ZNF782: variants seen among roughly 807,000 people sequenced by gnomAD.
The protein encoded by ZNF782 is zinc finger protein 782.
A neutral mutation model predicts 13.0 loss-of-function variants in ZNF782; 12 were observed. That is an observed-to-expected ratio of 0.92 (90% CI 0.59 to 1.50). ZNF782 has a LOEUF of 1.50. Among genes scored for constraint, ZNF782 ranks in the 40% most tolerant of loss-of-function variants. ZNF782 has a pLI of 0.00. For missense variants in ZNF782, 770 were observed against 822.9 expected (o/e 0.94, Z 0.79); for synonymous variants, 284 against 283.0 (o/e 1.00, Z -0.04).
At chr9:96,895,372 C>G in the ZNF782 span, 1 of 152,138 alleles carries the variant, frequency 6.6e-6, no homozygotes. Flanking sequence ...CTTATCTGTT[C>G]TGTATAAAAA....
chr9:96,830,353 C>A (rs1038258082), intron 4 of ZNF782, among the ~76,000 whole-genome samples: 12 of 152,084 alleles, frequency 7.9e-5, no homozygotes, highest in Non-Finnish European at 1.5e-5. Flanking sequence ...TGTCTCCAAG[C>A]CAGGCAGTGA....
At chr9:96,821,545 G>A (rs1850417299) in intron 5 of ZNF782, among the ~76,000 whole-genome samples, 1 of 152,060 alleles carries the variant, frequency 6.6e-6, no homozygotes, top group South Asian at 2.1e-4. Context: ...TCATATATCT[G>A]ACACTCATGA....
the ZNF782 span, among the ~76,000 whole-genome samples, chr9:96,933,009 A>C: frequency 5.6e-5 from 7 of 125,674 alleles, no homozygotes; most frequent in Admixed American, 1.8e-4. Context: ...ATGGAGTCTC[A>C]CTCTGTCGCC....
At chr9:96,819,990 A>G (rs1850354014) in intron 5 of ZNF782, among the ~76,000 whole-genome samples, 1 of 152,172 alleles carries the variant, frequency 6.6e-6, no homozygotes, top group Non-Finnish European at 1.5e-5. Context: ...GGAAATGAAT[A>G]TATATACATA....
the ZNF782 span, among the ~76,000 whole-genome samples, chr9:96,901,659 A>C: frequency 6.6e-6 from 1 of 151,668 alleles, no homozygotes; most frequent in South Asian, 2.1e-4. Flanking sequence ...TTTAAGTATA[A>C]GAATCATCTG....
rs545499464 is a variant in ZNF782, at chr9:96,850,415, C to T, written c.15+1532G>A. On this transcript the variant is annotated intron_variant, in intron 3 of 5. Transcript: ENST00000481138. The surrounding 1 kb of genome is among the most constrained non-coding windows in gnomAD (Gnocchi z 4.3). ...CACAGGAGTAGAAAACCAAACCGTA[C>T]GTTCTCACTTATAAGTGGGAGCTAA... Among the ~76,000 whole-genome samples the T allele has an allele frequency of 1.5e-3, 226 of 152,166 alleles. 1 individual carries two copies. The Middle Eastern group carries it at 0.037, about 25-fold the overall frequency.
chr9:96,916,161 G>A, the ZNF782 span, among the ~76,000 whole-genome samples: 3 of 152,050 alleles, frequency 2.0e-5, no homozygotes, highest in East Asian at 1.9e-4. Flanking sequence ...AAGGATAGGG[G>A]AACTGGCTAA....
intron 4 of ZNF782, among the ~76,000 whole-genome samples, chr9:96,840,595 A>T (rs1417572834): frequency 6.6e-6 from 1 of 152,018 alleles, no homozygotes; most frequent in South Asian, 2.1e-4. Context: ...ACTGGTGTCT[A>T]TCAAAAAGTG....
chr9:96,922,902 A>C, the ZNF782 span, among the ~76,000 whole-genome samples: 1 of 149,012 alleles, frequency 6.7e-6, no homozygotes, highest in African/African-American at 2.5e-5. Context: ...GAACCGGTCC[A>C]CCATATTCTC....
rs1192740480 is a variant in ZNF782 at position 96,825,794 on chromosome 9, A to C, written c.244+1286T>G. Among the ~76,000 whole-genome samples, 11 of 152,296 alleles carry C rather than the reference A, an allele frequency of 7.2e-5. No individual in the cohort carries two copies. The East Asian group carries it at 2.1e-3, about 29-fold the overall frequency. ...ATTTATGCAGCCAAAAGACACATGA[A>C]AAAATGCTCACCATCACTGGCCATC... On this transcript the variant is annotated intron_variant, in intron 5 of 5. Transcript: ENST00000481138.
At position 96,818,165 on chromosome 9, in the gene ZNF782, A is replaced by C. The variant is rs776848879; in HGVS notation, c.1858T>G (p.Cys620Gly). ...CTGAAAGCTTTTCCACATTCATTAC[A>C]TTCATAGGGCTTCTCCCCAGTGTGA... ...RTHTGEKPYE[C>G]NECGKAFSEK... The change falls in exon 6 of 6, where the codon TGT becomes GGT. Residue 620 changes from cysteine to glycine, a missense_variant. Coordinates refer to ENST00000481138, the MANE Select transcript of ZNF782 (RefSeq NM_001001662.3). 1 of 1,614,042 alleles carries C rather than the reference A, an allele frequency of 6.2e-7. No individual in the cohort carries two copies. The highest frequency in any genetic ancestry group is 8.5e-7 in the Non-Finnish European group (1 of 1,180,004).
In ZNF782 at chr9:96,850,521, G is replaced by A. The variant is rs1412366369; in HGVS notation, c.15+1426C>T. ...GGGGAGGGTGGGAGGCTAGGGAAAG[G>A]TGCTAGGGATAAAAAACTACCTATA... is the stretch of plus-strand genomic sequence containing the variant. On this transcript the variant is annotated intron_variant, in intron 3 of 5. Coordinates refer to ENST00000481138, the MANE Select transcript of ZNF782 (RefSeq NM_001001662.3). This position sits in a 1 kb window ranked among gnomAD's most constrained non-coding sequence, Gnocchi z 4.3. Among the ~76,000 whole-genome samples the A allele has an allele frequency of 6.6e-6, 1 of 152,096 alleles. No individual in the cohort carries two copies. Among genetic ancestry groups the A allele is most frequent in the Non-Finnish European group, 1.5e-5 (1 of 68,020 alleles).
intron 5 of ZNF782, among the ~76,000 whole-genome samples, chr9:96,826,727 G>A (rs1451340811): frequency 6.6e-6 from 1 of 152,018 alleles, no homozygotes; most frequent in Non-Finnish European, 1.5e-5. Context: ...AATATGATAG[G>A]GAACACCAGT....
the ZNF782 span, chr9:96,888,015 T>G: frequency 2.1e-5 from 2 of 97,064 alleles, no homozygotes; most frequent in Admixed American, 1.4e-4. Flanking sequence ...CCAGGGCCTG[T>G]TGTGGGGTGG....
chr9:96,881,231 TTCC>T, the ZNF782 span, among the ~76,000 whole-genome samples: 2 of 152,240 alleles, frequency 1.3e-5, no homozygotes, highest in Admixed American at 6.5e-5. Context: ...TTGGGTTGAT[TTCC>T]TCTTTTGTTT....
chr9:96,932,349 A>C, the ZNF782 span: 1 of 1,611,740 alleles, frequency 6.2e-7, no homozygotes, highest in Non-Finnish European at 8.5e-7. Flanking sequence ...CTCTGGCAGC[A>C]CTACAAGCCC....
chr9:96,912,138 T>G, the ZNF782 span, among the ~76,000 whole-genome samples: 1 of 143,510 alleles, frequency 7.0e-6, no homozygotes, highest in East Asian at 2.0e-4. Context: ...GAGTCGGAGG[T>G]TGTGGTGAGC....
the ZNF782 span, among the ~76,000 whole-genome samples, chr9:96,910,918 G>C: frequency 6.7e-6 from 1 of 150,140 alleles, no homozygotes; most frequent in African/African-American, 2.4e-5. Context: ...TTACAGGCGT[G>C]AGCCATCGCG....
At chr9:96,908,294 C>T in the ZNF782 span, among the ~76,000 whole-genome samples, 1 of 151,928 alleles carries the variant, frequency 6.6e-6, no homozygotes, top group East Asian at 1.9e-4. Context: ...CCAGGCTGGT[C>T]TTGAACTCCT....
Sources: gnomAD v4.1 joint callset for allele counts (sites outside exome capture counted in the v4.1 genomes callset) on GRCh38, gnomAD v4.1.1 for gene constraint, Gnocchi (gnomAD v3.1) non-coding constraint, MANE v1.5 for transcripts, NCBI Gene and HGNC (gene_info 2026-07-23, HGNC 2026-07-21) for gene names.